Variants in PCOLCE2 observed in about 807,000 individuals in gnomAD.
PCOLCE2 encodes the protein procollagen C-proteinase enhancer 2.
A neutral mutation model predicts 47.0 loss-of-function variants in PCOLCE2; 42 were observed. That is an observed-to-expected ratio of 0.89 (90% CI 0.70 to 1.16). PCOLCE2 has a LOEUF of 1.16. PCOLCE2 is among the 50% of genes most tolerant of loss of function. The pLI, the probability that PCOLCE2 is intolerant of heterozygous loss-of-function variation, is 0.00. For synonymous variants in PCOLCE2, 169 were observed against 191.7 expected (o/e 0.88, Z 0.98); for missense variants, 500 against 526.1 (o/e 0.95, Z 0.49).
intron 2 of PCOLCE2, among the ~76,000 whole-genome samples, chr3:142,853,084 T>C (rs1048107127): frequency 7.3e-6 from 1 of 136,858 alleles, no homozygotes; most frequent in African/African-American, 2.8e-5. Flanking sequence ...GCCTGGAGAA[T>C]AGAGAGAGAC....
chr3:142,878,124 C>T (rs1933536089), intron 2 of PCOLCE2, among the ~76,000 whole-genome samples: 1 of 152,134 alleles, frequency 6.6e-6, no homozygotes, highest in African/African-American at 2.4e-5. Flanking sequence ...TAAATGGTCT[C>T]TCCCTCCCTT....
chr3:142,875,208 G>GT (rs1402681961), intron 2 of PCOLCE2, among the ~76,000 whole-genome samples: 7 of 152,082 alleles, frequency 4.6e-5, no homozygotes, highest in African/African-American at 1.7e-4. Context: ...ACAAATACAC[G>GT]TATCTTTAAA....
chr3:142,832,681 G>T (rs114136612), intron 5 of PCOLCE2, among the ~76,000 whole-genome samples: 3,428 of 152,176 alleles, frequency 0.023, 135 homozygotes, highest in African/African-American at 0.076. Flanking sequence ...TTTCTTTGCA[G>T]TTTTAATTTA....
intron 2 of PCOLCE2, among the ~76,000 whole-genome samples, chr3:142,873,696 T>C (rs1017816337): frequency 6.6e-6 from 1 of 152,154 alleles, no homozygotes; most frequent in Non-Finnish European, 1.5e-5. Flanking sequence ...AAGTGAGTAT[T>C]CAGAAACCAA....
intron 2 of PCOLCE2, among the ~76,000 whole-genome samples, chr3:142,879,949 C>T (rs1051602076): frequency 1.3e-4 from 16 of 127,544 alleles, no homozygotes; most frequent in Admixed American, 2.8e-4. Context: ...CCAGCCTGGG[C>T]GACAGAGCGA....
At chr3:142,821,906 GTTTT>G (rs201944179) in intron 7 of PCOLCE2, among the ~76,000 whole-genome samples, 1 of 150,754 alleles carries the variant, frequency 6.6e-6, no homozygotes, top group African/African-American at 2.4e-5. Flanking sequence ...ACTGAATACA[GTTTT>G]TTTTTGTTGT....
chr3:142,849,161 A>G (rs1937363728), intron 2 of PCOLCE2, among the ~76,000 whole-genome samples: 1 of 152,202 alleles, frequency 6.6e-6, no homozygotes, highest in African/African-American at 2.4e-5. Flanking sequence ...TCAAAAAAAA[A>G]AAAATCATTT....
intron 6 of PCOLCE2, chr3:142,827,810 A>G (rs985669804): frequency 1.0e-5 from 6 of 578,204 alleles, no homozygotes; most frequent in Non-Finnish European, 1.8e-5. Context: ...TCCACTGGAA[A>G]ATCTCACGGA....
At chr3:142,869,885 G>A (rs747894814) in intron 2 of PCOLCE2, among the ~76,000 whole-genome samples, 65 of 152,276 alleles carry the variant, frequency 4.3e-4, no homozygotes, top group Admixed American at 3.7e-3. Flanking sequence ...CATGTTCTCA[G>A]GGCCTCCTGG....
At chr3:142,834,717 T>C (rs1211955731) in intron 5 of PCOLCE2, among the ~76,000 whole-genome samples, 2 of 152,194 alleles carry the variant, frequency 1.3e-5, no homozygotes, top group Non-Finnish European at 2.9e-5. Flanking sequence ...AAATTTGGCT[T>C]GCCAAGTTTT....
At chr3:142,818,728 A>G (rs1254006210) in intron 8 of PCOLCE2, among the ~76,000 whole-genome samples, 4 of 152,166 alleles carry the variant, frequency 2.6e-5, no homozygotes, top group African/African-American at 9.7e-5. Context: ...CTACAGGCAC[A>G]CGCCATTGTG....
At position 142,829,866 on chromosome 3, in the gene PCOLCE2, T is replaced by C; in HGVS notation, c.711-20A>G. On this transcript the variant is annotated intron_variant, in intron 5 of 8. Transcript: ENST00000295992. ...ATTGGCCTAAAAAAAGAAAAATGTGTTTTTTTATAAATACTTAAAAGTGGT... is the reference window on the plus strand; with the variant it reads ...ATTGGCCTAAAAAAAGAAAAATGTGCTTTTTTATAAATACTTAAAAGTGGT... 6.8e-7 allele frequency: 1 copy of C among 1,468,076 alleles called. No individual in the cohort carries two copies. 90.9% of individuals were successfully genotyped at this position (1,468,076 alleles called of 1,614,324 possible).
chr3:142,845,941 C>T (rs1324862679), intron 3 of PCOLCE2, among the ~76,000 whole-genome samples: 15 of 152,150 alleles, frequency 9.9e-5, no homozygotes, highest in Non-Finnish European at 2.2e-4. Flanking sequence ...CACCACTGCA[C>T]TCCAGCCTGG....
At chr3:142,886,005 A>G (rs148021283) in intron 2 of PCOLCE2, among the ~76,000 whole-genome samples, 1 of 152,344 alleles carries the variant, frequency 6.6e-6, no homozygotes, top group East Asian at 1.9e-4. Flanking sequence ...TTGTCTTCAC[A>G]GTAATCCTAA....
intron 2 of PCOLCE2, among the ~76,000 whole-genome samples, chr3:142,855,780 T>C (rs1294348937): frequency 5.3e-5 from 8 of 151,970 alleles, no homozygotes; most frequent in Non-Finnish European, 1.0e-4. Flanking sequence ...GGGGATTCAG[T>C]AGAAGAAAAG....
At chr3:142,835,096 T>C (rs1188932199) in intron 5 of PCOLCE2, among the ~76,000 whole-genome samples, 1 of 152,198 alleles carries the variant, frequency 6.6e-6, no homozygotes, top group Non-Finnish European at 1.5e-5. Flanking sequence ...GCCTGTTCAT[T>C]GTTTTTCAAA....
chr3:142,867,109 C>G (rs759704704), intron 2 of PCOLCE2, among the ~76,000 whole-genome samples: 5 of 152,162 alleles, frequency 3.3e-5, no homozygotes, highest in Non-Finnish European at 7.3e-5. Context: ...ATCCCCTGGG[C>G]CCTATGCAAA....
Position 142,848,412 on chromosome 3 carries a change from G to C in PCOLCE2, c.253C>G (p.Leu85Val). The C allele has an allele frequency of 6.2e-7, 1 of 1,613,058 alleles. No homozygotes were observed. The highest frequency in any genetic ancestry group is 8.5e-7 in the Non-Finnish European group (1 of 1,178,980). ...ACATCCACAAAGTCATAGCGGCACA[G>C]GTTGTCACTCTCGAGGTCTATGAAT... ...FRFIDLESDN[L>V]CRYDFVDVYN... The change falls in exon 3 of 9, where the codon CTG becomes GTG. Residue 85 changes from leucine (L) to valine (V), a missense_variant. Coordinates refer to ENST00000295992, the MANE Select transcript of PCOLCE2 (RefSeq NM_013363.4).
Position 142,823,575 on chromosome 3 carries a change from T to C in PCOLCE2, c.906A>G (p.Arg302=). 1 of 1,611,754 alleles carries C rather than the reference T, an allele frequency of 6.2e-7. No homozygotes were observed. Among genetic ancestry groups the C allele is most frequent in the Non-Finnish European group, 8.5e-7 (1 of 1,177,990 alleles). The change falls in exon 7 of 9, where the codon AGA becomes AGG. Residue 302 remains arginine (R), a synonymous_variant. Coordinates refer to ENST00000295992, the MANE Select transcript of PCOLCE2 (RefSeq NM_013363.4). ...AATTGCCCTCCAGAGTCCCCGTCCG[T>C]CTACACTTTTGTTGACACAAGGCCA... ...PTVALCQQKC[R]RTGTLEGNYC...
Sources: allele counts gnomAD v4.1 joint callset (sites outside exome capture counted in the v4.1 genomes callset), GRCh38; gene constraint gnomAD v4.1.1; transcripts MANE v1.5; gene names NCBI Gene and HGNC (gene_info 2026-07-23, HGNC 2026-07-21).